ANXA2: variants seen among roughly 807,000 people sequenced by gnomAD.
ANXA2 encodes the protein annexin A2.
Under a neutral mutation model 47.3 loss-of-function variants are expected in ANXA2, and 28 were observed. The observed-to-expected ratio is 0.59, with a 90% confidence interval of 0.44 to 0.81. The LOEUF (loss-of-function observed/expected upper bound fraction) is 0.81, where lower values mean the gene tolerates loss of function less well. Ranked by LOEUF, ANXA2 falls within the 40% of genes least tolerant of loss-of-function variation. The pLI is 0.00. For missense variants in ANXA2, 384 were observed against 414.3 expected, an observed-to-expected ratio of 0.93 and a Z score of 0.64; for synonymous variants, 172 against 155.5, an observed-to-expected ratio of 1.11 and a Z score of -0.79.
chr15:60,350,213 A>C (rs1277600339), intron 11 of ANXA2, among the ~76,000 whole-genome samples: 5 of 152,012 alleles, frequency 3.3e-5, no homozygotes, highest in Non-Finnish European at 7.4e-5. Flanking sequence ...CAAGACAAGA[A>C]AAGAAAAGAA....
rs531061795 is a variant in ANXA2 at position 60,348,586 on chromosome 15, T to C, written c.960+489A>G. Among the ~76,000 whole-genome samples the C allele has an allele frequency of 3.3e-5, 5 of 151,810 alleles. No individual in the cohort carries two copies. The East Asian group carries it at 9.7e-4, about 29-fold the overall frequency. On this transcript the variant is annotated intron_variant, in intron 12 of 12. Coordinates refer to ENST00000451270, the MANE Select transcript of ANXA2 (RefSeq NM_004039.3). ...GGTGAAACCCTGTCTCTACTAAAAATACAAAAAAATTAGCCGGGTGTGGTG... is the reference window on the plus strand; with the variant it reads ...GGTGAAACCCTGTCTCTACTAAAAACACAAAAAAATTAGCCGGGTGTGGTG...
intron 7 of ANXA2, 50 bp downstream of exon 7, chr15:60,355,869 G>T: frequency 7.0e-7 from 1 of 1,429,390 alleles, no homozygotes; most frequent in Non-Finnish European, 9.9e-7. Flanking sequence ...TGAGGTATGT[G>T]ACTTGCCTTG....
intron 3 of ANXA2, among the ~76,000 whole-genome samples, chr15:60,373,882 A>G (rs775380599): frequency 1.3e-5 from 2 of 152,198 alleles, no homozygotes; most frequent in Non-Finnish European, 2.9e-5. Context: ...TATGGGGCAA[A>G]GAAAGATAGA....
intron 5 of ANXA2, 79 bp downstream of exon 5, chr15:60,360,862 C>G: frequency 7.6e-6 from 7 of 922,906 alleles, no homozygotes; most frequent in Admixed American, 2.2e-5. Flanking sequence ...AACTGAAAAT[C>G]ACCAAATTAC....
At chr15:60,381,761 T>C (rs987938764) in intron 3 of ANXA2, among the ~76,000 whole-genome samples, 2 of 151,940 alleles carry the variant, frequency 1.3e-5, no homozygotes, top group Admixed American at 6.6e-5. Flanking sequence ...CTAAGAGCAA[T>C]GCAGTAAGAT....
chr15:60,388,903 G>A (rs1001490839), intron 1 of ANXA2, among the ~76,000 whole-genome samples: 1 of 58,938 alleles, frequency 1.7e-5, no homozygotes, highest in African/African-American at 4.2e-5. Context: ...CACTACACCT[G>A]GCTTTTTTTT....
chr15:60,347,841 G>A, intron 12 of ANXA2, 152 bp from the exon 13 acceptor site: 1 of 710,822 alleles, frequency 1.4e-6, no homozygotes. Flanking sequence ...AGGCCTGGAA[G>A]GCCACACCCA....
At chr15:60,355,639 C>G in intron 7 of ANXA2, 1 of 497,598 alleles carries the variant, frequency 2.0e-6, no homozygotes, top group African/African-American at 1.9e-5. Context: ...CTAAGTCACA[C>G]GGCCAAGGCT....
In ANXA2 at chr15:60,385,179, T is replaced by A. The variant is rs551091620; in HGVS notation, c.48+849A>T. On this transcript the variant is annotated intron_variant, in intron 2 of 12. Coordinates refer to ENST00000451270, the MANE Select transcript of ANXA2 (RefSeq NM_004039.3). ...TAGCCACAGAAAAAAAGGAAACAGA[T>A]GAATTACAATAATTTCATTATATTC... Among the ~76,000 whole-genome samples the A allele has an allele frequency of 2.8e-4, 42 of 152,346 alleles. No individual in the cohort carries two copies. The East Asian group carries it at 7.7e-3, about 28-fold the overall frequency.
intron 1 of ANXA2, among the ~76,000 whole-genome samples, chr15:60,396,584 T>C (rs1031026795): frequency 1.3e-5 from 2 of 152,200 alleles, no homozygotes; most frequent in Admixed American, 6.5e-5. Flanking sequence ...TGCCCCTCAC[T>C]ACCCTCCACC....
At chr15:60,355,801 G>A in intron 7 of ANXA2, 118 bp downstream of exon 7, 1 of 884,814 alleles carries the variant, frequency 1.1e-6, no homozygotes. Context: ...TTTCAAAAAT[G>A]CAGCTGAATT....
rs368582726 is a variant in ANXA2, at chr15:60,361,074, C to T, written c.244-20G>A. The T allele has an allele frequency of 4.0e-4, 599 of 1,495,540 alleles. 1 individual carries two copies. Among genetic ancestry groups the T allele is most frequent in the Non-Finnish European group, 5.0e-4 (536 of 1,071,982 alleles). 92.6% of individuals were successfully genotyped at this position (1,495,540 alleles called of 1,614,324 possible). Reference sequence around the variant, plus strand: ...AAGTTCCTTCAAGATAACAGGCAATCATAAGGAAAATATTTATTTTACTTT... The same window carrying T: ...AAGTTCCTTCAAGATAACAGGCAATTATAAGGAAAATATTTATTTTACTTT... On this transcript the variant is annotated intron_variant, in intron 4 of 12. Transcript: ENST00000451270.
chr15:60,385,048 A>G (rs982796552), intron 2 of ANXA2, among the ~76,000 whole-genome samples: 1 of 152,220 alleles, frequency 6.6e-6, no homozygotes, highest in Non-Finnish European at 1.5e-5. Context: ...AACTTCACAT[A>G]TAGCTTAAAT....
At chr15:60,377,970 C>T (rs2054390750) in intron 3 of ANXA2, among the ~76,000 whole-genome samples, 1 of 151,998 alleles carries the variant, frequency 6.6e-6, no homozygotes, top group South Asian at 2.1e-4. Context: ...TGCCTGTGGT[C>T]CCAGCTACTC....
At chr15:60,371,536 A>AGCC (rs2062710331) in intron 3 of ANXA2, among the ~76,000 whole-genome samples, 1 of 152,214 alleles carries the variant, frequency 6.6e-6, no homozygotes, top group South Asian at 2.1e-4. Context: ...AGGCACCAAC[A>AGCC]GCCGTTCTGA....
rs1426311529 is a variant in ANXA2, at chr15:60,349,059, T to C, written c.960+16A>G. 1 of 1,613,818 alleles carries C rather than the reference T, an allele frequency of 6.2e-7. No homozygotes were observed. Among genetic ancestry groups the C allele is most frequent in the Admixed American group, 1.7e-5 (1 of 60,020 alleles). On this transcript the variant is annotated intron_variant, in intron 12 of 12. Transcript: ENST00000451270. ...TCTGGACGGCAGGGCAGGCTGACACTGCACCTCGGGCTTACCTGGATATAA... is the reference window on the plus strand; with the variant it reads ...TCTGGACGGCAGGGCAGGCTGACACCGCACCTCGGGCTTACCTGGATATAA...
chr15:60,349,426 G>T (rs781455894), intron 11 of ANXA2, among the ~76,000 whole-genome samples: 5 of 152,070 alleles, frequency 3.3e-5, no homozygotes, highest in Non-Finnish European at 5.9e-5. Flanking sequence ...TTACCTTTAG[G>T]CTATGTGTGT....
intron 3 of ANXA2, among the ~76,000 whole-genome samples, chr15:60,377,071 G>C (rs1337594753): frequency 1.3e-5 from 2 of 152,202 alleles, no homozygotes; most frequent in African/African-American, 4.8e-5. Context: ...CGTGTCCTTT[G>C]ATGTCAAGGA....
chr15:60,382,004 G>C (rs2062866720), intron 3 of ANXA2, among the ~76,000 whole-genome samples: 1 of 141,864 alleles, frequency 7.0e-6, no homozygotes, highest in Admixed American at 7.5e-5. Context: ...AGAAACGGGG[G>C]GTGGGGGAGG....
Sources: allele counts gnomAD v4.1 joint callset (sites outside exome capture counted in the v4.1 genomes callset), GRCh38; gene constraint gnomAD v4.1.1; transcripts MANE v1.5; gene names NCBI Gene and HGNC (gene_info 2026-07-23, HGNC 2026-07-21).